RAI1: variants seen among roughly 807,000 people sequenced by gnomAD.
RAI1 encodes retinoic acid induced 1.
A neutral mutation model predicts 123.8 loss-of-function variants in RAI1; 9 were observed. That is an observed-to-expected ratio of 0.07 (90% CI 0.04 to 0.13). RAI1 has a LOEUF of 0.13. RAI1 is among the 10% of genes least tolerant of loss of function. The pLI, the probability that RAI1 is intolerant of heterozygous loss-of-function variation, is 1.00. For synonymous variants in RAI1, 1,231 were observed against 1,127.3 expected (o/e 1.09, Z -1.84); for missense variants, 2,256 against 2,545.8 (o/e 0.89, Z 2.45).
At chr17:17,729,620 A>G (rs192256353) in intron 2 of RAI1, among the ~76,000 whole-genome samples, 1 of 152,112 alleles carries the variant, frequency 6.6e-6, no homozygotes, top group East Asian at 1.9e-4. Flanking sequence ...AGGACTGACA[A>G]GAGAGTAAGG....
intron 2 of RAI1, among the ~76,000 whole-genome samples, chr17:17,758,125 C>T (rs775882917): frequency 6.6e-6 from 1 of 152,216 alleles, no homozygotes. Context: ...AGTAAATTCC[C>T]CCTCCGAGCG....
chr17:17,743,609 C>T (rs147247024), intron 2 of RAI1, among the ~76,000 whole-genome samples: 4 of 152,358 alleles, frequency 2.6e-5, no homozygotes, highest in South Asian at 2.1e-4. Context: ...ACCCCACACA[C>T]GTGGTTTCTC....
chr17:17,751,612 A>G (rs1463599361), intron 2 of RAI1, among the ~76,000 whole-genome samples: 1 of 152,138 alleles, frequency 6.6e-6, no homozygotes, highest in Non-Finnish European at 1.5e-5. Context: ...TTCCCTAGCT[A>G]TGCACCGTGG....
rs1450007249 is a variant in RAI1 at position 17,809,331 on chromosome 17, C to T, written c.5660-59C>T. 38 of 1,476,174 alleles carry T rather than the reference C, an allele frequency of 2.6e-5. No homozygotes were observed. The highest frequency in any genetic ancestry group is 1.3e-4 in the Admixed American group (8 of 59,802). The allele number at this position is 1,476,174 out of a possible 1,614,324, so 91.4% of individuals were successfully genotyped here. On this transcript the variant is annotated intron_variant, in intron 4 of 5. Transcript: ENST00000353383. The surrounding 1 kb of genome is among the most constrained non-coding windows in gnomAD (Gnocchi z 4.9). The stretch of plus-strand genomic sequence containing the variant: ...GCTCCCCTCCTGGCTGCAGACAAAA[C>T]CCCACAGCTGTGGGGCCCCCACCCT...
At position 17,797,225 on chromosome 17, in the gene RAI1, C is replaced by G; in HGVS notation, c.4277C>G (p.Thr1426Ser). 6.2e-7 allele frequency: 1 copy of G among 1,613,702 alleles called. No homozygotes were observed. Among genetic ancestry groups the G allele is most frequent in the South Asian group, 1.1e-5 (1 of 91,078 alleles). Residue 1426 changes from threonine (T) to serine (S), a missense_variant, in exon 3 of 6, where the codon ACC (threonine) becomes AGC (serine). Thr to Ser is a moderately conservative substitution (Grantham distance 58, BLOSUM62 1). This residue lies in a region of RAI1 where 410 missense variants were observed against 374.6 expected (regional missense o/e 1.09). Coordinates refer to ENST00000353383, the MANE Select transcript of RAI1 (RefSeq NM_030665.4). ...KKLSSTDCFK[T>S]EAFTSPEALQ... ...CTGTCTTCTACTGACTGTTTCAAAA[C>G]CGAGGCCTTCACATCCCCGGAGGCC...
In RAI1 at chr17:17,797,807, C is replaced by A; in HGVS notation, c.4859C>A (p.Ala1620Glu). Residue 1620 changes from alanine (A) to glutamate (E), a missense_variant, in exon 3 of 6, where the codon GCG becomes GAG. Ala to Glu is a moderately radical substitution (Grantham distance 107, BLOSUM62 -1). Transcript: ENST00000353383. ...ICTVVNSPGD[A>E]PKPHRKPSSS... ...ACTGTTGTCAACTCCCCTGGAGATG[C>A]GCCCAAGCCCCACAGGAAGCCTTCC... 6.2e-7 allele frequency: 1 copy of A among 1,614,034 alleles called. No homozygotes were observed. Among genetic ancestry groups the A allele is most frequent in the Non-Finnish European group, 8.5e-7 (1 of 1,180,020 alleles).
chr17:17,698,949 C>T (rs1035279531), intron 1 of RAI1, among the ~76,000 whole-genome samples: 2 of 152,238 alleles, frequency 1.3e-5, no homozygotes, highest in Non-Finnish European at 2.9e-5. Context: ...GTCGTGCATT[C>T]ATGCATGGGA....
At chr17:17,773,928 T>G (rs2031251082) in intron 2 of RAI1, among the ~76,000 whole-genome samples, 1 of 152,138 alleles carries the variant, frequency 6.6e-6, no homozygotes, top group African/African-American at 2.4e-5. Flanking sequence ...TATTTATAAT[T>G]TGTATATTTA....
At position 17,793,032 on chromosome 17, in the gene RAI1, G is replaced by A; in HGVS notation, c.84G>A (p.Glu28=). The change falls in exon 3 of 6, where the codon GAG becomes GAA. Residue 28 remains glutamate, a synonymous_variant. Transcript: ENST00000353383. ...QQTSQETSRL[E]NYRQPSQAGL... The stretch of plus-strand genomic sequence containing the variant: ...CCTCGCAGGAAACATCACGCCTAGA[G>A]AATTACAGGCAGCCGAGTCAGGCCG... 1.2e-6 allele frequency: 2 copies of A among 1,614,194 alleles called. No homozygotes were observed. Among genetic ancestry groups the A allele is most frequent in the African/African-American group, 2.7e-5 (2 of 75,060 alleles).
At chr17:17,712,988 T>G (rs1242328885) in intron 1 of RAI1, among the ~76,000 whole-genome samples, 3 of 142,834 alleles carry the variant, frequency 2.1e-5, no homozygotes, top group Non-Finnish European at 3.1e-5. Context: ...GGGCTGGGGG[T>G]GGGGAAATGG....
intron 3 of RAI1, 36 bp downstream of exon 3, chr17:17,798,549 G>A (rs1296610205): frequency 2.5e-6 from 4 of 1,596,340 alleles, no homozygotes; most frequent in African/African-American, 2.7e-5. Context: ...GGGAGTGTGG[G>A]GTTCCAAAGG....
intron 2 of RAI1, among the ~76,000 whole-genome samples, chr17:17,775,995 C>A (rs1396994644): frequency 6.6e-6 from 1 of 152,246 alleles, no homozygotes; most frequent in Non-Finnish European, 1.5e-5. Flanking sequence ...CTGCGTCCCC[C>A]AAAGCTGTGT....
chr17:17,806,293 G>A (rs987890839), intron 4 of RAI1, among the ~76,000 whole-genome samples: 18 of 152,344 alleles, frequency 1.2e-4, no homozygotes, highest in African/African-American at 4.1e-4. Context: ...TTGAGCAAGA[G>A]AACTTTTATT....
At chr17:17,703,960 C>T (rs1472210522) in intron 1 of RAI1, among the ~76,000 whole-genome samples, 2 of 152,214 alleles carry the variant, frequency 1.3e-5, no homozygotes, top group South Asian at 2.1e-4. Flanking sequence ...CCAGGCTTCT[C>T]GGGTCTCCCT....
intron 2 of RAI1, chr17:17,782,208 C>G (rs1464427693): frequency 6.6e-6 from 1 of 152,112 alleles, no homozygotes; most frequent in East Asian, 1.9e-4. Flanking sequence ...CCGGAGCCGC[C>G]GAGCGAGGTG....
In RAI1 at chr17:17,810,814, C is replaced by A. The variant is rs1413410532; in HGVS notation, c.*833C>A. ...AGAACGCACCTCCGGCTCCGGCGGA[C>A]GCGCGACCGTTGTGCACCACCAGGG... is the stretch of plus-strand genomic sequence containing the variant. On this transcript the variant is annotated 3_prime_UTR_variant, in exon 6 of 6. Coordinates refer to ENST00000353383, the MANE Select transcript of RAI1 (RefSeq NM_030665.4). The surrounding 1 kb of genome is among the most constrained non-coding windows in gnomAD (Gnocchi z 4.6). 1 of 454,702 alleles carries A rather than the reference C, an allele frequency of 2.2e-6. No individual in the cohort carries two copies. The highest frequency in any genetic ancestry group is 2.0e-5 in the African/African-American group (1 of 50,012). 28.2% of individuals were successfully genotyped at this position (454,702 alleles called of 1,614,324 possible).
chr17:17,761,813 G>C (rs900288439), intron 2 of RAI1, among the ~76,000 whole-genome samples: 1 of 152,126 alleles, frequency 6.6e-6, no homozygotes, highest in African/African-American at 2.4e-5. Context: ...ACTGGGGCCT[G>C]GGCAGCATCT....
intron 2 of RAI1, among the ~76,000 whole-genome samples, chr17:17,787,193 C>T (rs1423857830): frequency 6.6e-6 from 1 of 152,174 alleles, no homozygotes; most frequent in East Asian, 1.9e-4. Context: ...CCATCTGACC[C>T]CTGTGCCAGG....
chr17:17,797,467 GCCTCCCAGCCCCCGGAGGGCAGGC>G lies in RAI1; in HGVS notation c.4523_4546del (p.Ser1508_Pro1515del). 1.2e-6 allele frequency: 2 copies of G among 1,613,358 alleles called. No homozygotes were observed. The highest frequency in any genetic ancestry group is 1.1e-5 in the South Asian group (1 of 91,072). ...GCCAAAGATGGAGGAGCTGGGCCTGGCCTCCCAGCCCCCGGAGGGCAGGCCCTGCCAGCCCCAGACAAGGGCACA... is the reference window on the plus strand; with the variant it reads ...GCCAAAGATGGAGGAGCTGGGCCTGGCCTGCCAGCCCCAGACAAGGGCACA... On this transcript the variant is annotated inframe_deletion, in exon 3 of 6. Coordinates refer to ENST00000353383, the MANE Select transcript of RAI1 (RefSeq NM_030665.4).
Sources: gnomAD v4.1 joint callset for allele counts (sites outside exome capture counted in the v4.1 genomes callset) on GRCh38, gnomAD v4.1.1 for gene constraint, gnomAD v4.1.1 regional missense constraint, Gnocchi (gnomAD v3.1) non-coding constraint, MANE v1.5 for transcripts, NCBI Gene and HGNC (gene_info 2026-07-23, HGNC 2026-07-21) for gene names.